IGF2BP2: variants seen among roughly 807,000 people sequenced by gnomAD.
The protein encoded by IGF2BP2 is insulin-like growth factor 2 mRNA-binding protein 2.
IGF2BP2 carries 17 observed loss-of-function variants against 75.8 expected under a neutral mutation model. The ratio of observed to expected loss-of-function variants is 0.22; its 90% CI spans 0.15 to 0.34. The LOEUF (loss-of-function observed/expected upper bound fraction) is 0.34, where lower values mean the gene tolerates loss of function less well. Among genes scored for constraint, IGF2BP2 ranks in the 10% least tolerant of loss-of-function variants. IGF2BP2 has a pLI of 1.00. For synonymous variants in IGF2BP2, 288 were observed against 295.6 expected (o/e 0.97, Z 0.26); for missense variants, 516 against 772.4 (o/e 0.67, Z 3.93).
At chr3:185,754,739 T>C (rs1041874858) in intron 2 of IGF2BP2, among the ~76,000 whole-genome samples, 7 of 152,190 alleles carry the variant, frequency 4.6e-5, no homozygotes, top group Non-Finnish European at 1.0e-4. Flanking sequence ...CATTACATCT[T>C]AGCAAAGAAC....
At chr3:185,772,685 G>A (rs149373045) in intron 2 of IGF2BP2, among the ~76,000 whole-genome samples, 2 of 149,976 alleles carry the variant, frequency 1.3e-5, no homozygotes, top group Non-Finnish European at 1.5e-5. Context: ...AGATTCAAGC[G>A]ATTCTCCTGT....
intron 7 of IGF2BP2, 120 bp from the exon 8 acceptor site, chr3:185,676,033 T>C (rs1472946300): frequency 3.0e-6 from 4 of 1,316,450 alleles, no homozygotes; most frequent in African/African-American, 3.0e-5. Flanking sequence ...CAAGTGATGA[T>C]GGGATTTGGG....
rs569616695 is a variant in IGF2BP2 at position 185,719,845 on chromosome 3, GAAGGAAGGA to G, written c.240-21507_240-21499del. ...CGAGACTCTGTCTCAAAAAAGAAAG[GAAGGAAGGA>G]AAGGAAGGAAAGGAAGGAAGGAAGA... On this transcript the variant is annotated intron_variant, in intron 2 of 15. Coordinates refer to ENST00000382199, the MANE Select transcript of IGF2BP2 (RefSeq NM_006548.6). 3.1e-4 allele frequency among the ~76,000 whole-genome samples: 47 copies of G among 152,032 alleles called. No individual in the cohort carries two copies. The South Asian group carries it at 3.8e-3, about 12-fold the overall frequency.
chr3:185,700,831 T>C (rs1578018850), intron 2 of IGF2BP2, among the ~76,000 whole-genome samples: 1 of 152,094 alleles, frequency 6.6e-6, no homozygotes, highest in Non-Finnish European at 1.5e-5. Flanking sequence ...TGAATACATA[T>C]ATCATAATAC....
chr3:185,644,040 G>T lies in IGF2BP2; in HGVS notation c.*1491C>A, dbSNP rs1369521390. On this transcript the variant is annotated 3_prime_UTR_variant, in exon 16 of 16. Coordinates refer to ENST00000382199, the MANE Select transcript of IGF2BP2 (RefSeq NM_006548.6). ...AGAAGGCCATATAGGTTCTTGGCTA[G>T]CGGAAGACAATTCAGAACAGCTGTT... 6.6e-6 allele frequency: 1 copy of T among 151,922 alleles called. No homozygotes were observed. Among genetic ancestry groups the T allele is most frequent in the Non-Finnish European group, 1.5e-5 (1 of 67,942 alleles). 9.4% of individuals were successfully genotyped at this position (151,922 alleles called of 1,614,324 possible).
chr3:185,666,775 T>C lies in IGF2BP2; in HGVS notation c.1200+5766A>G, dbSNP rs144032417. ...AAGAAAAATTAAGTGGAAAAAAATG[T>C]GTATTTTCATAGGAAAATATAAATC... On this transcript the variant is annotated intron_variant, in intron 10 of 15. Transcript: ENST00000382199. 1.9e-3 allele frequency among the ~76,000 whole-genome samples: 291 copies of C among 152,288 alleles called. 2 individuals are homozygous for C. The highest frequency in any genetic ancestry group is 6.7e-3 in the African/African-American group (277 of 41,554).
chr3:185,800,718 A>AAAGAAAGAAAGAAAGAAAG (rs1553893941), intron 2 of IGF2BP2, among the ~76,000 whole-genome samples: 13 of 143,290 alleles, frequency 9.1e-5, no homozygotes, highest in African/African-American at 3.2e-4. Flanking sequence ...GAGCCAAAAA[A>AAAGAAAGAAAGAAAGAAAG]AAAGAAAGAA....
At chr3:185,679,095 T>C (rs1719976781) in intron 7 of IGF2BP2, among the ~76,000 whole-genome samples, 1 of 152,228 alleles carries the variant, frequency 6.6e-6, no homozygotes, top group Non-Finnish European at 1.5e-5. Context: ...GGGAGTTTAA[T>C]TCATTTGCAC....
chr3:185,730,428 CTTTTTTTTT>C (rs71632076), intron 2 of IGF2BP2, among the ~76,000 whole-genome samples: 1 of 96,764 alleles, frequency 1.0e-5, no homozygotes, highest in Admixed American at 1.2e-4. Context: ...GCGCAGGTGT[CTTTTTTTTT>C]TTTTTTTTTT....
At chr3:185,824,107 G>A (rs879342886) in intron 1 of IGF2BP2, among the ~76,000 whole-genome samples, 110 of 152,124 alleles carry the variant, frequency 7.2e-4, no homozygotes, top group Non-Finnish European at 1.3e-3. Context: ...GCTTGAGAGA[G>A]CAAGCGAGAG....
At chr3:185,818,690 G>C (rs1463686744) in intron 2 of IGF2BP2, among the ~76,000 whole-genome samples, 3 of 152,130 alleles carry the variant, frequency 2.0e-5, no homozygotes, top group Admixed American at 6.6e-5. Context: ...GGGTTTCATA[G>C]AGGACTTGGA....
intron 10 of IGF2BP2, among the ~76,000 whole-genome samples, chr3:185,663,077 C>T (rs538769768): frequency 1.6e-3 from 236 of 152,256 alleles, no homozygotes; most frequent in Non-Finnish European, 2.5e-3. Flanking sequence ...AGTAACTTGG[C>T]AATGACTCAA....
chr3:185,670,080 T>C (rs1057001983), intron 10 of IGF2BP2, among the ~76,000 whole-genome samples: 2 of 152,256 alleles, frequency 1.3e-5, no homozygotes, highest in African/African-American at 4.8e-5. Flanking sequence ...TACTCTAATA[T>C]TGACCCATGG....
At chr3:185,668,229 A>C (rs1295442813) in intron 10 of IGF2BP2, among the ~76,000 whole-genome samples, 1 of 152,172 alleles carries the variant, frequency 6.6e-6, no homozygotes, top group Non-Finnish European at 1.5e-5. Context: ...AATATTATGC[A>C]GCCATTAAAT....
chr3:185,686,390 A>T (rs1721139371), intron 7 of IGF2BP2, among the ~76,000 whole-genome samples: 1 of 152,134 alleles, frequency 6.6e-6, no homozygotes, highest in Non-Finnish European at 1.5e-5. Context: ...GTCTTAAAAA[A>T]AAAAAAAGGA....
At chr3:185,788,738 GAT>G (rs1372042921) in intron 2 of IGF2BP2, among the ~76,000 whole-genome samples, 19 of 35,766 alleles carry the variant, frequency 5.3e-4, no homozygotes, top group African/African-American at 1.4e-3. Context: ...TTTTTTTTTT[GAT>G]AGAGTCTCAC....
At chr3:185,785,671 T>A (rs78888817) in intron 2 of IGF2BP2, among the ~76,000 whole-genome samples, 18,286 of 151,578 alleles carry the variant, frequency 0.12, 1,588 homozygotes, top group African/African-American at 0.25. Flanking sequence ...AAAAAAATAA[T>A]AATAATTAGC....
chr3:185,690,212 A>G (rs544737709), intron 5 of IGF2BP2, among the ~76,000 whole-genome samples: 1 of 152,302 alleles, frequency 6.6e-6, no homozygotes, highest in South Asian at 2.1e-4. Context: ...TTTCCCCCTT[A>G]TCAAAAACTC....
chr3:185,823,019 A>G lies in IGF2BP2; in HGVS notation c.239+134T>C, dbSNP rs1432775194. The G allele has an allele frequency of 5.4e-6, 3 of 558,838 alleles. No homozygotes were observed. In the African/African-American group the frequency reaches 5.9e-5, roughly 11 times the overall value. 34.6% of individuals were successfully genotyped at this position (558,838 alleles called of 1,614,324 possible). A position where few individuals can be genotyped will look rare whatever the true frequency, so the allele number is the denominator to read the frequency against. ...AAAAAAAAAAGTAGCTTTCTAAACT[A>G]TGTATCTCCACTAACAAAACAAACA... On this transcript the variant is annotated intron_variant, in intron 2 of 15. Coordinates refer to ENST00000382199, the MANE Select transcript of IGF2BP2 (RefSeq NM_006548.6).
Sources: gnomAD v4.1 joint callset for allele counts (sites outside exome capture counted in the v4.1 genomes callset) on GRCh38, gnomAD v4.1.1 for gene constraint, MANE v1.5 for transcripts, NCBI Gene and HGNC (gene_info 2026-07-23, HGNC 2026-07-21) for gene names.